Variants in LDLRAD4 observed in about 807,000 individuals in gnomAD.
The protein encoded by LDLRAD4 is low density lipoprotein receptor class A domain containing 4, also known as low-density lipoprotein receptor class A domain-containing protein 4.
A neutral mutation model predicts 17.0 loss-of-function variants in LDLRAD4; 5 were observed. That is an observed-to-expected ratio of 0.29 (90% confidence interval 0.15 to 0.62). The LOEUF (loss-of-function observed/expected upper bound fraction) is 0.62. Among genes scored for constraint, LDLRAD4 ranks in the 20% least tolerant of loss-of-function variants. LDLRAD4 has a pLI of 0.84. For missense variants in LDLRAD4, 340 were observed against 424.7 expected, an observed-to-expected ratio of 0.80 and a Z score of 1.75; for synonymous variants, 168 against 171.8, an observed-to-expected ratio of 0.98 and a Z score of 0.17.
chr18:13,224,920 TC>T (rs2041691995), intron 1 of LDLRAD4, among the ~76,000 whole-genome samples: 2 of 151,578 alleles, frequency 1.3e-5, no homozygotes, highest in African/African-American at 4.9e-5. Context: ...GCAACCTCCG[TC>T]CCAGGTTCAA....
intron 3 of LDLRAD4, chr18:13,611,960 G>C: frequency 1.0e-6 from 1 of 985,482 alleles, no homozygotes; most frequent in Non-Finnish European, 1.2e-6. Flanking sequence ...CCTGAGGGAC[G>C]CTGTGGGTGC....
At chr18:13,647,559 T>C (rs1278533529) in exon 6 of LDLRAD4, 1 of 151,036 alleles carries the variant, frequency 6.6e-6, no homozygotes, top group Non-Finnish European at 1.5e-5. Flanking sequence ...CTGGAGAGAC[T>C]GTTCCAAACC....
At chr18:13,461,866 A>T (rs1254679838) in intron 3 of LDLRAD4, among the ~76,000 whole-genome samples, 2 of 152,202 alleles carry the variant, frequency 1.3e-5, no homozygotes, top group African/African-American at 2.4e-5. Flanking sequence ...TGGTTGTGGG[A>T]GGGGTCCAGT....
chr18:13,626,479 G>T (rs2051702417), intron 4 of LDLRAD4, among the ~76,000 whole-genome samples: 1 of 152,200 alleles, frequency 6.6e-6, no homozygotes, highest in Admixed American at 6.5e-5. Context: ...AGGCAGAAGG[G>T]TCTGGCCATC....
chr18:13,544,950 T>C (rs144802998), intron 3 of LDLRAD4, among the ~76,000 whole-genome samples: 1 of 151,652 alleles, frequency 6.6e-6, no homozygotes, highest in African/African-American at 2.4e-5. Context: ...AATGAACAAG[T>C]ATTACTTTTA....
At chr18:13,352,065 C>G (rs746744221) in intron 1 of LDLRAD4, among the ~76,000 whole-genome samples, 1 of 152,216 alleles carries the variant, frequency 6.6e-6, no homozygotes. Context: ...ATTCAACATC[C>G]CTTTGTGTTA....
intron 2 of LDLRAD4, among the ~76,000 whole-genome samples, chr18:13,408,392 A>T (rs1238657056): frequency 2.2e-4 from 11 of 50,002 alleles, no homozygotes; most frequent in African/African-American, 4.7e-4. Flanking sequence ...AAAAAAAAAA[A>T]GGTGAGAGAG....
chr18:13,607,027 C>T (rs570018506), intron 3 of LDLRAD4, among the ~76,000 whole-genome samples: 124 of 152,300 alleles, frequency 8.1e-4, no homozygotes, highest in African/African-American at 2.9e-3. Flanking sequence ...CTAAAAAAAT[C>T]AAAGTAAGTC....
exon 6 of LDLRAD4, chr18:13,646,504 G>A (rs753748757): frequency 6.6e-6 from 1 of 152,196 alleles, no homozygotes; most frequent in Non-Finnish European, 1.5e-5. Context: ...GATAAGATAG[G>A]GAAGATTAAG....
At chr18:13,342,118 C>T (rs1011591607) in intron 1 of LDLRAD4, among the ~76,000 whole-genome samples, 1 of 151,974 alleles carries the variant, frequency 6.6e-6, no homozygotes, top group African/African-American at 2.4e-5. Flanking sequence ...TTTTAATATG[C>T]TTCTGAGTTT....
intron 3 of LDLRAD4, among the ~76,000 whole-genome samples, chr18:13,594,940 G>T (rs1416399841): frequency 1.3e-5 from 2 of 151,956 alleles, no homozygotes; most frequent in African/African-American, 4.8e-5. Flanking sequence ...ATTGAGATTT[G>T]TTATTTCTTC....
chr18:13,361,953 C>T (rs141073535), intron 1 of LDLRAD4, among the ~76,000 whole-genome samples: 4 of 151,998 alleles, frequency 2.6e-5, no homozygotes, highest in African/African-American at 7.2e-5. Context: ...ACATAGGAGG[C>T]GAGTTTTGAC....
At chr18:13,618,890 C>A (rs1315053323) in intron 3 of LDLRAD4, among the ~76,000 whole-genome samples, 1 of 152,232 alleles carries the variant, frequency 6.6e-6, no homozygotes, top group African/African-American at 2.4e-5. Context: ...TGCCTTTGTC[C>A]TGAGCGGAGT....
At chr18:13,613,376 T>C (rs1389038422) in intron 3 of LDLRAD4, 1 of 152,262 alleles carries the variant, frequency 6.6e-6, no homozygotes, top group Admixed American at 6.5e-5. Context: ...CAGCTGTGTT[T>C]TTTTTCTGAT....
intron 2 of LDLRAD4, among the ~76,000 whole-genome samples, chr18:13,418,930 A>G (rs2145820827): frequency 6.6e-6 from 1 of 152,282 alleles, no homozygotes; most frequent in South Asian, 2.1e-4. Flanking sequence ...ATTTTATATA[A>G]ATGAATACAT....
intron 1 of LDLRAD4, among the ~76,000 whole-genome samples, chr18:13,244,114 C>T (rs1213832520): frequency 2.1e-5 from 3 of 140,654 alleles, no homozygotes; most frequent in Non-Finnish European, 3.1e-5. Flanking sequence ...TTCATCTATC[C>T]ACCATGAACT....
intron 2 of LDLRAD4, among the ~76,000 whole-genome samples, chr18:13,414,826 A>T (rs2145753309): frequency 6.6e-6 from 1 of 152,348 alleles, no homozygotes; most frequent in African/African-American, 2.4e-5. Flanking sequence ...AAACTCCCTG[A>T]TTATCAGACA....
At chr18:13,633,911 A>G (rs1335349184) in intron 4 of LDLRAD4, among the ~76,000 whole-genome samples, 1 of 152,192 alleles carries the variant, frequency 6.6e-6, no homozygotes, top group Non-Finnish European at 1.5e-5. Context: ...TCCGTGGAGC[A>G]CACAGCCCTG....
At chr18:13,532,284 C>T (rs2094140719) in intron 3 of LDLRAD4, among the ~76,000 whole-genome samples, 1 of 152,192 alleles carries the variant, frequency 6.6e-6, no homozygotes, top group Non-Finnish European at 1.5e-5. Context: ...ATGTATTATT[C>T]CTCCCTCTGA....
Sources: gnomAD v4.1 joint callset for allele counts (sites outside exome capture counted in the v4.1 genomes callset) on GRCh38, gnomAD v4.1.1 for gene constraint, MANE v1.5 for transcripts, NCBI Gene and HGNC (gene_info 2026-07-23, HGNC 2026-07-21) for gene names.